The following DMD variants were observed in gnomAD, a reference collection of about 807,000 sequenced individuals.
DMD encodes the protein dystrophin.
Under a neutral mutation model 330.1 loss-of-function variants are expected in DMD, and 63 were observed. The observed-to-expected ratio is 0.19, with a 90% CI of 0.16 to 0.24. The LOEUF is 0.24. DMD is among the 10% of genes least tolerant of loss of function. The pLI is 1.00. For synonymous variants in DMD, 1,223 were observed against 959.8 expected (o/e 1.27, Z -5.07); for missense variants, 3,344 against 2,684.1 (o/e 1.25, Z -5.43).
At chrX:32,398,811 T>C (rs1186736994) in intron 30 of DMD, among the ~76,000 whole-genome samples, 2 of 111,601 alleles carry the variant, frequency 1.8e-5, no homozygotes, top group Non-Finnish European at 3.8e-5. Context: ...AGAATGAAAC[T>C]GGAGGAATCA....
intron 49 of DMD, among the ~76,000 whole-genome samples, chrX:31,836,286 C>A (rs762378149): frequency 1.9e-4 from 21 of 112,197 alleles, no homozygotes; most frequent in African/African-American, 6.5e-4. Flanking sequence ...TAAGAAAGAG[C>A]AACAAAGAAA....
chrX:31,156,495 G>C (rs2038134478), intron 74 of DMD, among the ~76,000 whole-genome samples: 1 of 111,692 alleles, frequency 9.0e-6, no homozygotes, highest in Non-Finnish European at 1.9e-5. Context: ...TTAGAACAAG[G>C]CTTGAGAGAT....
intron 48 of DMD, among the ~76,000 whole-genome samples, chrX:31,849,353 C>G (rs984950754): frequency 9.0e-6 from 1 of 110,790 alleles, no homozygotes; most frequent in African/African-American, 3.3e-5. Context: ...GGTATAACAA[C>G]TAGTAAAGTG....
Position 31,592,565 on chromosome X carries a change from C to T in DMD, c.8217+35108G>A, listed in dbSNP as rs189962598. Among the ~76,000 whole-genome samples, 6 of 109,000 alleles carry T rather than the reference C, an allele frequency of 5.5e-5. No homozygotes were observed. The Admixed American group carries it at 6.0e-4, about 11-fold the overall frequency. The allele number at this position is 109,000 out of a possible 115,157, so 94.7% of individuals were successfully genotyped here. On this transcript the variant is annotated intron_variant, in intron 55 of 78. Coordinates refer to ENST00000357033, the MANE Select transcript of DMD (RefSeq NM_004006.3). Reference sequence around the variant, plus strand: ...AAAGACATAATGGAATAATAAAAGACCTTCTAGTCACCAAATTAAATATTT... The same window carrying T: ...AAAGACATAATGGAATAATAAAAGATCTTCTAGTCACCAAATTAAATATTT...
intron 44 of DMD, among the ~76,000 whole-genome samples, chrX:31,988,606 C>A (rs192836100): frequency 8.3e-5 from 9 of 107,998 alleles, no homozygotes; most frequent in Admixed American, 5.0e-4. Context: ...ATTCAAATAA[C>A]TTTCAGGACA....
At position 32,432,604 on chromosome X, in the gene DMD, A is replaced by G. The variant is rs946280769; in HGVS notation, c.4071+5637T>C. On this transcript the variant is annotated intron_variant, in intron 29 of 78. Coordinates refer to ENST00000357033, the MANE Select transcript of DMD (RefSeq NM_004006.3). ...GCTAATCAAATCTATTTCATAAAGC[A>G]AATGTGGGATTTAAGTTTGATGTTG... is the stretch of plus-strand genomic sequence containing the variant. 4.5e-5 allele frequency among the ~76,000 whole-genome samples: 5 copies of G among 112,163 alleles called. No individual in the cohort carries two copies. The Admixed American group carries it at 4.7e-4, about 11-fold the overall frequency.
At chrX:32,670,814 A>G (rs2061586110) in intron 9 of DMD, among the ~76,000 whole-genome samples, 1 of 112,231 alleles carries the variant, frequency 8.9e-6, no homozygotes, top group African/African-American at 3.2e-5. Flanking sequence ...AAATGATTCA[A>G]AAGTACAGTT....
intron 30 of DMD, among the ~76,000 whole-genome samples, chrX:32,407,558 A>G (rs2098123223): frequency 9.0e-6 from 1 of 111,103 alleles, no homozygotes; most frequent in Non-Finnish European, 1.9e-5. Context: ...TGTGGAAGTC[A>G]CTGTGGCGAT....
intron 44 of DMD, among the ~76,000 whole-genome samples, chrX:32,048,932 TAGA>T (rs1314478901): frequency 9.0e-6 from 1 of 111,609 alleles, no homozygotes; most frequent in Non-Finnish European, 1.9e-5. Flanking sequence ...TAAGACATTT[TAGA>T]AGAAGTACCT....
At chrX:31,478,512 C>A (rs2067997326) in intron 58 of DMD, 138 bp from the exon 59 acceptor site, 2 of 834,309 alleles carry the variant, frequency 2.4e-6, no homozygotes, top group Admixed American at 2.8e-5. Flanking sequence ...TATACTTTGG[C>A]ATAAATTTTG....
chrX:31,177,916 CA>C lies in DMD; in HGVS notation c.10262+15del, dbSNP rs748893368. ...TGTTGGTGGTAGCAGCACCCTTCAG[CA>C]AAAAAAGTACTCACGCAGAATCTAC... On this transcript the variant is annotated intron_variant, in intron 71 of 78. Coordinates refer to ENST00000357033, the MANE Select transcript of DMD (RefSeq NM_004006.3). The C allele has an allele frequency of 2.5e-6, 3 of 1,197,844 alleles. No individual in the cohort carries two copies. Among genetic ancestry groups the C allele is most frequent in the Non-Finnish European group, 3.4e-6 (3 of 884,148 alleles).
At chrX:31,855,914 C>T (rs190812267) in intron 48 of DMD, among the ~76,000 whole-genome samples, 26 of 111,989 alleles carry the variant, frequency 2.3e-4, no homozygotes, top group Admixed American at 2.2e-3. Context: ...TAGACTGTTG[C>T]ACTTAGCCTT....
intron 11 of DMD, among the ~76,000 whole-genome samples, chrX:32,614,928 AG>A (rs753855911): frequency 2.9e-4 from 32 of 110,569 alleles, no homozygotes; most frequent in Middle Eastern, 4.7e-3. Flanking sequence ...ACCAATTCCA[AG>A]TGTAGGCTAT....
chrX:32,302,331 G>A (rs1180788169), intron 42 of DMD, among the ~76,000 whole-genome samples: 2 of 111,113 alleles, frequency 1.8e-5, no homozygotes, highest in African/African-American at 6.5e-5. Context: ...TGGGTTAAGT[G>A]TATTGAATGC....
chrX:32,445,927 A>G (rs1174398150), intron 27 of DMD, among the ~76,000 whole-genome samples: 1 of 111,371 alleles, frequency 9.0e-6, no homozygotes, highest in Admixed American at 9.6e-5. Flanking sequence ...CTATTTCTCT[A>G]TTGAAGGATA....
intron 27 of DMD, among the ~76,000 whole-genome samples, chrX:32,444,348 C>T (rs2098294826): frequency 9.2e-6 from 1 of 108,881 alleles, no homozygotes; most frequent in Non-Finnish European, 1.9e-5. Context: ...AATACAAAAA[C>T]TCAATAGCCC....
chrX:32,348,910 A>T (rs1422351886), intron 37 of DMD, among the ~76,000 whole-genome samples: 3 of 111,695 alleles, frequency 2.7e-5, no homozygotes, highest in African/African-American at 9.7e-5. Flanking sequence ...TGCCTCATTT[A>T]TCAAGTAACA....
chrX:31,191,191 ATGTGTG>A (rs34438085), intron 67 of DMD, among the ~76,000 whole-genome samples: 1 of 107,164 alleles, frequency 9.3e-6, no homozygotes, highest in Non-Finnish European at 1.9e-5. Flanking sequence ...TACAATGTGT[ATGTGTG>A]TGTGTGTGTG....
intron 63 of DMD, among the ~76,000 whole-genome samples, chrX:31,260,672 T>G (rs2050423170): frequency 2.7e-5 from 3 of 111,555 alleles, no homozygotes. Flanking sequence ...AAATTGCAAC[T>G]GTTTTTCCAT....
Sources: allele counts gnomAD v4.1 joint callset (sites outside exome capture counted in the v4.1 genomes callset), GRCh38; gene constraint gnomAD v4.1.1; transcripts MANE v1.5; gene names NCBI Gene and HGNC (gene_info 2026-07-23, HGNC 2026-07-21).